The following BORCS5 variants were observed in gnomAD, a reference collection of about 807,000 sequenced individuals.
BORCS5 encodes the protein BLOC-1-related complex subunit 5.
In BORCS5, 17 loss-of-function variants were observed where a neutral mutation model predicts 22.1. That is an observed-to-expected ratio of 0.77 (90% CI 0.53 to 1.15). The LOEUF is 1.15. Among genes scored for constraint, BORCS5 ranks in the 50% most tolerant of loss-of-function variants. The pLI is 0.00. For missense variants in BORCS5, 247 were observed against 253.2 expected (o/e 0.98, Z 0.17); for synonymous variants, 117 against 99.8 (o/e 1.17, Z -1.03).
intron 3 of BORCS5, among the ~76,000 whole-genome samples, chr12:12,462,006 T>C (rs535784673): frequency 6.6e-6 from 1 of 152,372 alleles, no homozygotes; most frequent in Admixed American, 6.5e-5. Flanking sequence ...AGTAAAGTCA[T>C]GTTAACAGAA....
intron 3 of BORCS5, among the ~76,000 whole-genome samples, chr12:12,462,977 C>T (rs562731211): frequency 1.3e-5 from 2 of 152,140 alleles, no homozygotes; most frequent in South Asian, 4.1e-4. Context: ...GCTATGGGTG[C>T]TCAGTGAGGC....
chr12:12,414,669 G>A (rs1377853393), intron 2 of BORCS5, among the ~76,000 whole-genome samples: 1 of 93,278 alleles, frequency 1.1e-5, no homozygotes, highest in Non-Finnish European at 2.4e-5. Flanking sequence ...CGGACGGGGC[G>A]GCTGGCCGGG....
chr12:12,454,565 A>G (rs1322249420), intron 3 of BORCS5, among the ~76,000 whole-genome samples: 1 of 152,190 alleles, frequency 6.6e-6, no homozygotes, highest in East Asian at 1.9e-4. Context: ...ACTGCTTCCT[A>G]ATTGGGAGAA....
At chr12:12,443,843 C>A (rs1168663100) in intron 3 of BORCS5, among the ~76,000 whole-genome samples, 2 of 152,186 alleles carry the variant, frequency 1.3e-5, no homozygotes, top group East Asian at 3.9e-4. Context: ...GTTCTAGAGC[C>A]CCTGTTCTTC....
At chr12:12,377,066 C>G (rs1255958888) in intron 2 of BORCS5, among the ~76,000 whole-genome samples, 1 of 151,952 alleles carries the variant, frequency 6.6e-6, no homozygotes, top group East Asian at 1.9e-4. Context: ...CCGGAGGAAA[C>G]TTTTTAGTGA....
At chr12:12,425,035 A>G (rs1450532353) in intron 2 of BORCS5, among the ~76,000 whole-genome samples, 5 of 152,272 alleles carry the variant, frequency 3.3e-5, no homozygotes, top group African/African-American at 1.2e-4. Context: ...CTCTGTCTGC[A>G]CCTTTGTGAT....
chr12:12,374,491 TTATC>T (rs1422351745), intron 2 of BORCS5, among the ~76,000 whole-genome samples: 3 of 150,288 alleles, frequency 2.0e-5, no homozygotes, highest in Admixed American at 6.6e-5. Context: ...AAAAAAAAGT[TTATC>T]TAGGTGTGGT....
intron 2 of BORCS5, among the ~76,000 whole-genome samples, chr12:12,429,409 A>C (rs776105803): frequency 4.6e-5 from 7 of 152,098 alleles, no homozygotes; most frequent in Non-Finnish European, 1.0e-4. Flanking sequence ...CCATCTTCTT[A>C]TTTTCTCTGT....
intron 2 of BORCS5, among the ~76,000 whole-genome samples, chr12:12,431,028 A>G (rs747050494): frequency 6.6e-6 from 1 of 152,160 alleles, no homozygotes; most frequent in African/African-American, 2.4e-5. Context: ...CACTGCTGCA[A>G]TGAATACTCT....
intron 2 of BORCS5, among the ~76,000 whole-genome samples, chr12:12,382,985 T>C (rs959590397): frequency 1.3e-5 from 2 of 151,524 alleles, no homozygotes; most frequent in Non-Finnish European, 3.0e-5. Flanking sequence ...CCATTCACTT[T>C]TAATATAGTT....
rs1374759354 is a variant in BORCS5, at chr12:12,418,355, T to C, written c.203-17273T>C. On this transcript the variant is annotated intron_variant, in intron 2 of 3. Transcript: ENST00000314565. ...ACCCGGCCTGAACCTTTTATTAATA[T>C]ATGATGTCCTTTGTCTCTTGTAACC... is the stretch of plus-strand genomic sequence containing the variant. Among the ~76,000 whole-genome samples, 4 of 152,038 alleles carry C rather than the reference T, an allele frequency of 2.6e-5. 1 individual carries two copies. The highest frequency in any genetic ancestry group is 5.9e-5 in the Non-Finnish European group (4 of 67,982).
chr12:12,409,101 TG>T (rs201043391), intron 2 of BORCS5, among the ~76,000 whole-genome samples: 5,456 of 150,862 alleles, frequency 0.036, 129 homozygotes, highest in Middle Eastern at 0.068. Context: ...CATTTTTTTT[TG>T]TTTGTTTTTG....
chr12:12,370,097 T>TAC (rs1491143233), intron 2 of BORCS5, among the ~76,000 whole-genome samples: 2 of 117,886 alleles, frequency 1.7e-5, no homozygotes, highest in Admixed American at 9.2e-5. Context: ...ATAGTGGTTT[T>TAC]ATACACACAC....
At chr12:12,463,944 A>G (rs896170873) in intron 3 of BORCS5, among the ~76,000 whole-genome samples, 1 of 152,188 alleles carries the variant, frequency 6.6e-6, no homozygotes, top group Non-Finnish European at 1.5e-5. Context: ...ATGCCCTGCC[A>G]AGTAAAATGT....
intron 2 of BORCS5, among the ~76,000 whole-genome samples, chr12:12,391,445 GC>G (rs1261647774): frequency 2.6e-5 from 4 of 151,716 alleles, no homozygotes; most frequent in African/African-American, 9.7e-5. Flanking sequence ...GAGTGCAGTG[GC>G]ATGATCTCGG....
At chr12:12,455,206 A>G (rs1250338098) in intron 3 of BORCS5, among the ~76,000 whole-genome samples, 1 of 152,208 alleles carries the variant, frequency 6.6e-6, no homozygotes, top group East Asian at 1.9e-4. Context: ...AAATCCACCC[A>G]AAGAAAGAAC....
chr12:12,469,900 T>C lies in BORCS5; in HGVS notation c.*4124T>C, dbSNP rs1943263079. On this transcript the variant is annotated 3_prime_UTR_variant, in exon 4 of 4. Transcript: ENST00000314565. The stretch of plus-strand genomic sequence containing the variant: ...TCCCTGACCTTTCGCTTCATTCCTT[T>C]GTTAAGAACTATATAGTGCCTCTGA... 6.6e-6 allele frequency among the ~76,000 whole-genome samples: 1 copy of C among 152,238 alleles called. No individual in the cohort carries two copies. The highest frequency in any genetic ancestry group is 2.1e-4 in the South Asian group (1 of 4,836).
intron 2 of BORCS5, among the ~76,000 whole-genome samples, chr12:12,371,775 C>T (rs1010135274): frequency 6.6e-5 from 10 of 152,206 alleles, no homozygotes; most frequent in East Asian, 1.9e-4. Flanking sequence ...TATTTTCTTA[C>T]ACATCACTGA....
intron 2 of BORCS5, among the ~76,000 whole-genome samples, chr12:12,430,431 G>A (rs1028899244): frequency 6.6e-6 from 1 of 152,050 alleles, no homozygotes; most frequent in African/African-American, 2.4e-5. Flanking sequence ...GATTACAGGC[G>A]TGAGCCACTG....
Sources: gnomAD v4.1 joint callset for allele counts (sites outside exome capture counted in the v4.1 genomes callset) on GRCh38, gnomAD v4.1.1 for gene constraint, MANE v1.5 for transcripts, NCBI Gene and HGNC (gene_info 2026-07-23, HGNC 2026-07-21) for gene names.